FYN: variants seen among roughly 807,000 people sequenced by gnomAD.
The protein encoded by FYN is FYN proto-oncogene, Src family tyrosine kinase, also known as tyrosine-protein kinase Fyn.
Under a neutral mutation model 70.2 loss-of-function variants are expected in FYN, and 10 were observed. The observed-to-expected ratio is 0.14, with a 90% CI of 0.09 to 0.24. The LOEUF is 0.24. Ranked by LOEUF, FYN falls within the 10% of genes least tolerant of loss-of-function variation. The probability of loss-of-function intolerance (pLI) is 1.00; values close to 1 mark genes in which losing one functional copy is unlikely to be tolerated. For synonymous variants in FYN, 236 were observed against 248.6 expected (o/e 0.95, Z 0.48); for missense variants, 319 against 673.1 (o/e 0.47, Z 5.82).
chr6:111,740,710 C>T (rs775048190), intron 3 of FYN, among the ~76,000 whole-genome samples: 1 of 152,216 alleles, frequency 6.6e-6, no homozygotes, highest in Non-Finnish European at 1.5e-5. Context: ...GCACACCTTT[C>T]TGTTCTTCTT....
chr6:111,755,761 C>T (rs961803009), intron 3 of FYN, among the ~76,000 whole-genome samples: 1 of 152,118 alleles, frequency 6.6e-6, no homozygotes, highest in Non-Finnish European at 1.5e-5. Context: ...CAAAATGATG[C>T]TGCTAATAAA....
intron 13 of FYN, among the ~76,000 whole-genome samples, chr6:111,672,576 T>C (rs1007842873): frequency 6.6e-6 from 1 of 152,074 alleles, no homozygotes; most frequent in African/African-American, 2.4e-5. Flanking sequence ...CCTCTGATAA[T>C]AAACAAGGAA....
rs975852278 is a variant in FYN, at chr6:111,692,531, C to T, written c.1273+1844G>A. 3.3e-5 allele frequency among the ~76,000 whole-genome samples: 5 copies of T among 152,092 alleles called. 1 individual carries two copies. The highest frequency in any genetic ancestry group is 2.0e-4 in the Admixed American group (3 of 15,280). On this transcript the variant is annotated intron_variant, in intron 12 of 13. Coordinates refer to ENST00000354650, the MANE Select transcript of FYN (RefSeq NM_002037.5). ...TAAGGCGTGGACTAAACCCCCAGGC[C>T]CTATTAACAGCACCCCTGCCAGCAT...
intron 3 of FYN, among the ~76,000 whole-genome samples, chr6:111,723,819 C>T (rs1801065120): frequency 1.3e-5 from 2 of 152,200 alleles, no homozygotes; most frequent in South Asian, 2.1e-4. Context: ...ATAGAATGTA[C>T]TAATTCACTT....
chr6:111,800,830 A>G (rs1253807123), intron 2 of FYN, among the ~76,000 whole-genome samples: 1 of 152,220 alleles, frequency 6.6e-6, no homozygotes, highest in African/African-American at 2.4e-5. Flanking sequence ...CAAATGCCAG[A>G]TTACTGATAT....
chr6:111,749,450 C>T (rs1158188454), intron 3 of FYN, among the ~76,000 whole-genome samples: 7 of 152,254 alleles, frequency 4.6e-5, no homozygotes, highest in African/African-American at 7.2e-5. Context: ...TTGCACCAGC[C>T]GAATACTTCT....
chr6:111,843,084 A>G (rs1228678331), intron 2 of FYN, among the ~76,000 whole-genome samples: 2 of 152,220 alleles, frequency 1.3e-5, no homozygotes, highest in Admixed American at 1.3e-4. Flanking sequence ...AGCTGTCTAA[A>G]CCCTGCAAAC....
chr6:111,731,981 G>C (rs1277328160), intron 3 of FYN, among the ~76,000 whole-genome samples: 1 of 152,248 alleles, frequency 6.6e-6, no homozygotes, highest in Non-Finnish European at 1.5e-5. Context: ...GTAAGAGGAA[G>C]AGAATGTGGA....
At chr6:111,866,848 T>C (rs76071488) in intron 1 of FYN, among the ~76,000 whole-genome samples, 197 of 152,384 alleles carry the variant, frequency 1.3e-3, no homozygotes, top group African/African-American at 4.5e-3. Flanking sequence ...TTGTATGTTC[T>C]ACAGGCTTTG....
In FYN at chr6:111,760,621, C is replaced by T. The variant is rs112665547; in HGVS notation, c.-12+19945G>A. On this transcript the variant is annotated intron_variant, in intron 3 of 13. Transcript: ENST00000354650. Reference sequence around the variant, plus strand: ...GTGTGTGGGCAGGAATGCTGCAGCGCGCTCCTCACACAAAGAAGCCCATGG... The same window carrying T: ...GTGTGTGGGCAGGAATGCTGCAGCGTGCTCCTCACACAAAGAAGCCCATGG... Among the ~76,000 whole-genome samples, 269 of 152,308 alleles carry T rather than the reference C, an allele frequency of 1.8e-3. 1 individual carries two copies. The highest frequency in any genetic ancestry group is 6.8e-3 in the Middle Eastern group (2 of 294).
chr6:111,816,489 T>C (rs1772493303), intron 2 of FYN, among the ~76,000 whole-genome samples: 1 of 152,120 alleles, frequency 6.6e-6, no homozygotes, highest in South Asian at 2.1e-4. Context: ...ATCTTCCTTT[T>C]TAAGAGAAAT....
At chr6:111,810,239 G>T (rs985778800) in intron 2 of FYN, among the ~76,000 whole-genome samples, 4 of 152,128 alleles carry the variant, frequency 2.6e-5, no homozygotes, top group Non-Finnish European at 4.4e-5. Flanking sequence ...GGTAAAGGTG[G>T]TCTCCTTGTC....
At chr6:111,741,092 C>T (rs1365620552) in intron 3 of FYN, 1 of 149,944 alleles carries the variant, frequency 6.7e-6, no homozygotes, top group African/African-American at 2.5e-5. Context: ...CAGAGTGAGA[C>T]CCTGTCTCAA....
At chr6:111,782,943 T>A (rs368244706) in intron 2 of FYN, among the ~76,000 whole-genome samples, 2 of 152,140 alleles carry the variant, frequency 1.3e-5, no homozygotes, top group African/African-American at 4.8e-5. Flanking sequence ...CTGGGTGATG[T>A]TGTCTTTGCA....
At chr6:111,719,168 G>C (rs1303089966) in intron 4 of FYN, among the ~76,000 whole-genome samples, 1 of 152,092 alleles carries the variant, frequency 6.6e-6, no homozygotes, top group Non-Finnish European at 1.5e-5. Flanking sequence ...GGATGACTAG[G>C]GATGCATGAC....
chr6:111,797,625 A>G (rs1771846586), intron 2 of FYN, among the ~76,000 whole-genome samples: 1 of 146,552 alleles, frequency 6.8e-6, no homozygotes, highest in African/African-American at 2.4e-5. Flanking sequence ...TCACAACTTA[A>G]TATTAAATGA....
chr6:111,678,108 A>G (rs1830515), intron 12 of FYN, among the ~76,000 whole-genome samples: 1,085 of 94,008 alleles, frequency 0.012, 17 homozygotes, highest in African/African-American at 0.024. Context: ...AGGCCATAAT[A>G]TGTGTGTGTG....
chr6:111,695,909 G>T (rs566409976), intron 10 of FYN, among the ~76,000 whole-genome samples: 1 of 152,222 alleles, frequency 6.6e-6, no homozygotes, highest in South Asian at 2.1e-4. Context: ...GATATTAATT[G>T]TTTAGCCCTG....
At chr6:111,737,921 T>TA (rs1356711351) in intron 3 of FYN, among the ~76,000 whole-genome samples, 7 of 152,246 alleles carry the variant, frequency 4.6e-5, no homozygotes, top group Non-Finnish European at 8.8e-5. Flanking sequence ...TATTTTCCCA[T>TA]AAAAAAACAA....
Sources: allele counts gnomAD v4.1 joint callset (sites outside exome capture counted in the v4.1 genomes callset), GRCh38; gene constraint gnomAD v4.1.1; transcripts MANE v1.5; gene names NCBI Gene and HGNC (gene_info 2026-07-23, HGNC 2026-07-21).